The following SNCAIP variants were observed in gnomAD, a reference collection of about 807,000 sequenced individuals.
SNCAIP encodes the protein synphilin-1.
Under a neutral mutation model 86.7 loss-of-function variants are expected in SNCAIP, and 43 were observed. The observed-to-expected ratio is 0.50, with a 90% confidence interval of 0.39 to 0.64. SNCAIP has a LOEUF of 0.64. Ranked by LOEUF, SNCAIP falls within the 30% of genes least tolerant of loss-of-function variation. SNCAIP has a pLI of 0.00. For missense variants in SNCAIP, 981 were observed against 1,103.1 expected (o/e 0.89, Z 1.57); for synonymous variants, 417 against 427.2 (o/e 0.98, Z 0.29).
chr5:122,434,896 T>G (rs1390792722), intron 6 of SNCAIP, among the ~76,000 whole-genome samples: 2 of 152,204 alleles, frequency 1.3e-5, no homozygotes, highest in Admixed American at 6.5e-5. Flanking sequence ...TGGCTTTGTT[T>G]CTTCAGTAAA....
In SNCAIP at chr5:122,449,868, T is replaced by C; in HGVS notation, c.1616T>C (p.Leu539Pro). ...LKEQTVERVT[L>P]QNQLQQFLEA... ...AGACAAACAGTAGAACGTGTCACGCTGCAGAACCAACTCCAACAATTTCTA... is the reference window on the plus strand; with the variant it reads ...AGACAAACAGTAGAACGTGTCACGCCGCAGAACCAACTCCAACAATTTCTA... Residue 539 changes from leucine to proline, a missense_variant, in exon 9 of 11, where the codon CTG (leucine) becomes CCG (proline). By Grantham distance (98) the Leu-to-Pro change is moderately conservative (BLOSUM62 -3). Transcript: ENST00000261368. 2.5e-6 allele frequency: 4 copies of C among 1,614,014 alleles called. No individual in the cohort carries two copies. Among genetic ancestry groups the C allele is most frequent in the Middle Eastern group, 3.3e-4 (2 of 6,058 alleles).
At chr5:122,400,270 A>G (rs1301957652) in intron 2 of SNCAIP, among the ~76,000 whole-genome samples, 6 of 152,154 alleles carry the variant, frequency 3.9e-5, no homozygotes, top group Admixed American at 6.6e-5. Context: ...TCTTTGTCCT[A>G]TAGGCTGTGC....
chr5:122,315,042 C>T (rs769086408), intron 1 of SNCAIP, among the ~76,000 whole-genome samples: 1 of 152,174 alleles, frequency 6.6e-6, no homozygotes, highest in Non-Finnish European at 1.5e-5. Flanking sequence ...AGAGAGTGAT[C>T]AAGGTAGCTT....
In SNCAIP at chr5:122,366,006, T is replaced by A. The variant is rs556900876; in HGVS notation, c.-46-25083T>A. On this transcript the variant is annotated intron_variant, in intron 1 of 10. Coordinates refer to ENST00000261368, the MANE Select transcript of SNCAIP (RefSeq NM_005460.4). ...CTTCCTAAGTAACCCCTAAGCTGAG[T>A]TTTTGAAAAATAAGTTTAAAGGGCA... is the stretch of plus-strand genomic sequence containing the variant. 2.0e-5 allele frequency among the ~76,000 whole-genome samples: 3 copies of A among 152,052 alleles called. No homozygotes were observed. In the East Asian group the frequency reaches 5.8e-4, roughly 29 times the overall value.
chr5:122,343,544 G>A (rs914700256), intron 1 of SNCAIP, among the ~76,000 whole-genome samples: 1 of 152,168 alleles, frequency 6.6e-6, no homozygotes, highest in African/African-American at 2.4e-5. Context: ...AGAATGTTTT[G>A]TAAATGAATC....
At position 122,396,955 on chromosome 5, in the gene SNCAIP, G is replaced by GT. The variant is rs1458990984; in HGVS notation, c.57+5768dup. ...ACTTTGGCTTCATTTTAAAATGCTG[G>GT]TTTTGGTACTTTTAAATATAAATAA... On this transcript the variant is annotated intron_variant, in intron 2 of 10. Coordinates refer to ENST00000261368, the MANE Select transcript of SNCAIP (RefSeq NM_005460.4). 5.3e-5 allele frequency among the ~76,000 whole-genome samples: 8 copies of GT among 152,000 alleles called. No individual in the cohort carries two copies. In the East Asian group the frequency reaches 7.7e-4, roughly 15 times the overall value.
chr5:122,448,552 AT>A lies in SNCAIP; in HGVS notation c.1593-1287del, dbSNP rs551758980. Among the ~76,000 whole-genome samples the A allele has an allele frequency of 2.2e-3, 309 of 142,700 alleles. 1 individual carries two copies. Among genetic ancestry groups the A allele is most frequent in the African/African-American group, 7.0e-3 (275 of 39,146 alleles). The allele number at this position is 142,700 out of a possible 152,430, so 93.6% of individuals were successfully genotyped here. ...AACATTTTGAAGTATATCCTTCCATATTTTTTATATATATATATCCTTCCAT... is the reference window on the plus strand; with the variant it reads ...AACATTTTGAAGTATATCCTTCCATATTTTTATATATATATATCCTTCCAT... On this transcript the variant is annotated intron_variant, in intron 8 of 10. Coordinates refer to ENST00000261368, the MANE Select transcript of SNCAIP (RefSeq NM_005460.4).
At chr5:122,448,101 C>G (rs2737089) in intron 8 of SNCAIP, among the ~76,000 whole-genome samples, 102,542 of 152,042 alleles carry the variant, frequency 0.67, 35,057 homozygotes, top group African/African-American at 0.78. Context: ...TTAGATTTAG[C>G]CAGCTAATCG....
At chr5:122,420,671 A>G (rs1776202491) in intron 3 of SNCAIP, among the ~76,000 whole-genome samples, 1 of 152,160 alleles carries the variant, frequency 6.6e-6, no homozygotes, top group Non-Finnish European at 1.5e-5. Flanking sequence ...CTCTATGTCC[A>G]CTATCTGCTG....
intron 1 of SNCAIP, among the ~76,000 whole-genome samples, chr5:122,352,197 C>T (rs796649802): frequency 1.6e-4 from 24 of 152,326 alleles, no homozygotes; most frequent in African/African-American, 5.8e-4. Context: ...ATCAGTTCTA[C>T]ATTGTCATCA....
At position 122,337,154 on chromosome 5, in the gene SNCAIP, G is replaced by A. The variant is rs76369187; in HGVS notation, c.-47+24870G>A. On this transcript the variant is annotated intron_variant, in intron 1 of 10. Transcript: ENST00000261368. Reference sequence around the variant, plus strand: ...ATTAACATGGGAAAAGGGAAAATATGGATATATTGTAGGTATACTGCACAT... The same window carrying A: ...ATTAACATGGGAAAAGGGAAAATATAGATATATTGTAGGTATACTGCACAT... Among the ~76,000 whole-genome samples the A allele has an allele frequency of 5.5e-4, 84 of 152,244 alleles. 1 individual carries two copies. In the East Asian group the frequency reaches 0.016, roughly 28 times the overall value.
At chr5:122,461,642 T>C (rs1000670309) in intron 10 of SNCAIP, among the ~76,000 whole-genome samples, 2 of 151,656 alleles carry the variant, frequency 1.3e-5, no homozygotes, top group Non-Finnish European at 2.9e-5. Flanking sequence ...ACTTTACTGG[T>C]CTTCTCTTTG....
intron 1 of SNCAIP, among the ~76,000 whole-genome samples, chr5:122,327,413 G>A (rs1196345454): frequency 6.6e-6 from 1 of 152,072 alleles, no homozygotes; most frequent in Non-Finnish European, 1.5e-5. Context: ...TGTATGGTTT[G>A]GCTCTGTGTC....
chr5:122,451,674 G>A, intron 10 of SNCAIP, 73 bp downstream of exon 10: 1 of 1,169,318 alleles, frequency 8.6e-7, no homozygotes, highest in African/African-American at 1.5e-5. Flanking sequence ...CACAGATTGT[G>A]GGCCCACACT....
At chr5:122,442,112 C>CTTTTTTTTT (rs10688988) in intron 7 of SNCAIP, among the ~76,000 whole-genome samples, 9 of 65,732 alleles carry the variant, frequency 1.4e-4, no homozygotes, top group Non-Finnish European at 1.7e-4. Context: ...AAGCAGTACT[C>CTTTTTTTTT]TTTTTTTTTT....
intron 2 of SNCAIP, among the ~76,000 whole-genome samples, chr5:122,399,843 A>T (rs1272166657): frequency 6.6e-6 from 1 of 152,172 alleles, no homozygotes; most frequent in Non-Finnish European, 1.5e-5. Context: ...ATAATCACCC[A>T]TATGGCTTGT....
chr5:122,372,231 T>C, intron 1 of SNCAIP, among the ~76,000 whole-genome samples: 1 of 152,220 alleles, frequency 6.6e-6, no homozygotes, highest in East Asian at 1.9e-4. Flanking sequence ...CTGTATTTTT[T>C]TGGTCAGGCC....
At chr5:122,448,525 A>T (rs1344910395) in intron 8 of SNCAIP, among the ~76,000 whole-genome samples, 2 of 147,882 alleles carry the variant, frequency 1.4e-5, no homozygotes, top group Admixed American at 1.4e-4. Context: ...AAAAGTAAAT[A>T]TAACATTTTG....
chr5:122,383,405 A>C (rs2152822337), intron 1 of SNCAIP: 1 of 153,406 alleles, frequency 6.5e-6, no homozygotes, highest in African/African-American at 2.4e-5. Flanking sequence ...CGGCTTGCGC[A>C]CGGTGCGCGC....
Sources: allele counts gnomAD v4.1 joint callset (sites outside exome capture counted in the v4.1 genomes callset), GRCh38; gene constraint gnomAD v4.1.1; transcripts MANE v1.5; gene names NCBI Gene and HGNC (gene_info 2026-07-23, HGNC 2026-07-21).